CSMD1: variants seen among roughly 807,000 people sequenced by gnomAD.
CSMD1 encodes CUB and sushi domain-containing protein 1.
In CSMD1, 213 loss-of-function variants were observed where a neutral mutation model predicts 417.5. The ratio of observed to expected loss-of-function variants is 0.51; its 90% confidence interval spans 0.46 to 0.57. CSMD1 has a LOEUF of 0.57. Ranked by LOEUF, CSMD1 falls within the 20% of genes least tolerant of loss-of-function variation. CSMD1 has a pLI of 0.00. For missense variants in CSMD1, 6,923 were observed against 4,529.7 expected (o/e 1.53, Z -15.17); for synonymous variants, 2,862 against 1,736.8 (o/e 1.65, Z -16.11).
chr8:4,509,283 T>C (rs545640382), intron 2 of CSMD1, among the ~76,000 whole-genome samples: 4 of 152,088 alleles, frequency 2.6e-5, no homozygotes, highest in Non-Finnish European at 4.4e-5. Flanking sequence ...TATAAGTAAA[T>C]GAGTCAGGAG....
chr8:3,307,860 G>A (rs376089006), intron 24 of CSMD1, 39 bp from the exon 25 acceptor site: 2 of 1,594,160 alleles, frequency 1.3e-6, no homozygotes, highest in Admixed American at 1.8e-5. Context: ...TTCAGCTTCA[G>A]GCATCACATG....
chr8:3,011,764 G>A (rs1808399809), intron 52 of CSMD1, among the ~76,000 whole-genome samples: 1 of 152,194 alleles, frequency 6.6e-6, no homozygotes, highest in Non-Finnish European at 1.5e-5. Context: ...AAGTCTAAAT[G>A]ATGTAAATGT....
chr8:4,723,288 G>A (rs981544493), intron 1 of CSMD1, among the ~76,000 whole-genome samples: 1 of 152,078 alleles, frequency 6.6e-6, no homozygotes, highest in Non-Finnish European at 1.5e-5. Context: ...GGCTAACTGG[G>A]AATCATCCAA....
chr8:3,514,871 C>G (rs1389026274), intron 10 of CSMD1, among the ~76,000 whole-genome samples: 2 of 151,888 alleles, frequency 1.3e-5, no homozygotes, highest in Admixed American at 6.6e-5. Flanking sequence ...TTTAAAAAAT[C>G]AGAGAAATAA....
rs543738811 is a variant in CSMD1, at chr8:3,931,051, G to A, written c.818+66852C>T. Reference sequence around the variant, plus strand: ...ACAGGGAAAATCTTAACTGCGGTATGATCGCTGAGATAAAGTTTTAAAAAT... The same window carrying A: ...ACAGGGAAAATCTTAACTGCGGTATAATCGCTGAGATAAAGTTTTAAAAAT... On this transcript the variant is annotated intron_variant, in intron 5 of 69. Coordinates refer to ENST00000635120, the MANE Select transcript of CSMD1 (RefSeq NM_033225.6). 3.3e-5 allele frequency among the ~76,000 whole-genome samples: 5 copies of A among 150,550 alleles called. No individual in the cohort carries two copies. The South Asian group carries it at 8.6e-4, about 26-fold the overall frequency.
intron 3 of CSMD1, among the ~76,000 whole-genome samples, chr8:4,307,197 T>G (rs1389340727): frequency 2.4e-4 from 37 of 152,170 alleles, no homozygotes; most frequent in Non-Finnish European, 4.4e-5. Context: ...ATCAACCCCC[T>G]TCTACGGCTC....
chr8:3,256,937 A>G (rs578186168), intron 26 of CSMD1, among the ~76,000 whole-genome samples: 3 of 152,382 alleles, frequency 2.0e-5, no homozygotes, highest in Non-Finnish European at 2.9e-5. Context: ...AAAATTTTAC[A>G]TTATCTAAAA....
chr8:3,730,327 A>G (rs549256799), intron 6 of CSMD1, among the ~76,000 whole-genome samples: 10 of 150,296 alleles, frequency 6.7e-5, no homozygotes, highest in African/African-American at 2.4e-4. Flanking sequence ...AAATGAACAC[A>G]CTGATGCATT....
At chr8:4,310,944 T>A (rs7812317) in intron 3 of CSMD1, among the ~76,000 whole-genome samples, 95,143 of 152,088 alleles carry the variant, frequency 0.63, 30,721 homozygotes, top group East Asian at 0.86. Flanking sequence ...AATCAAAACC[T>A]CAGTGAGATA....
intron 10 of CSMD1, among the ~76,000 whole-genome samples, chr8:3,550,063 C>A (rs893667081): frequency 3.9e-5 from 6 of 152,186 alleles, no homozygotes; most frequent in Admixed American, 2.0e-4. Flanking sequence ...GAAAATCATT[C>A]TAAGTAAAAG....
chr8:4,751,682 A>G (rs1202304792), intron 1 of CSMD1, among the ~76,000 whole-genome samples: 1 of 152,162 alleles, frequency 6.6e-6, no homozygotes, highest in African/African-American at 2.4e-5. Context: ...TTTAATGGTC[A>G]GCTACCCTTT....
At chr8:3,738,937 T>C (rs1796660422) in intron 6 of CSMD1, among the ~76,000 whole-genome samples, 1 of 152,176 alleles carries the variant, frequency 6.6e-6, no homozygotes, top group Non-Finnish European at 1.5e-5. Flanking sequence ...CCTTGCTGAA[T>C]GCGCATATTT....
At position 3,616,715 on chromosome 8, in the gene CSMD1, G is replaced by A. The variant is rs561328404; in HGVS notation, c.1092C>T (p.Asp364=). ...ACCACTATTGTATCTCTTACCTGAA[G>A]TCGGAACCTGCTCTTCTACCATTTT... is the stretch of plus-strand genomic sequence containing the variant. ...IPENGRRAGS[D]FRVGANVQFS... Residue 364 remains aspartate (D), a synonymous_variant, in exon 8 of 70, where the codon GAC becomes GAT. Coordinates refer to ENST00000635120, the MANE Select transcript of CSMD1 (RefSeq NM_033225.6). 6.2e-7 allele frequency: 1 copy of A among 1,605,742 alleles called. No homozygotes were observed. The highest frequency in any genetic ancestry group is 8.5e-7 in the Non-Finnish European group (1 of 1,173,054).
rs573754739 is a variant in CSMD1, at chr8:3,733,126, G to A, written c.931+20804C>T. On this transcript the variant is annotated intron_variant, in intron 6 of 69. Transcript: ENST00000635120. ...GAGGCTAAAGTGGAAAAGATAAAGT[G>A]AAAGAAGTTAGGAATTAGACTCAGT... 1.7e-4 allele frequency among the ~76,000 whole-genome samples: 25 copies of A among 150,974 alleles called. No individual in the cohort carries two copies. In the South Asian group the frequency reaches 4.6e-3, roughly 28 times the overall value.
intron 5 of CSMD1, among the ~76,000 whole-genome samples, chr8:3,958,784 C>T (rs78389145): frequency 0.026 from 4,013 of 152,190 alleles, 96 homozygotes; most frequent in Non-Finnish European, 0.037. Context: ...CAAAGAGGAA[C>T]GACATTATGG....
intron 26 of CSMD1, among the ~76,000 whole-genome samples, chr8:3,256,445 C>G (rs1340319349): frequency 6.6e-6 from 1 of 152,106 alleles, no homozygotes; most frequent in African/African-American, 2.4e-5. Flanking sequence ...GTTCATTGTC[C>G]CCTTCTCCTA....
At chr8:2,995,139 T>C (rs768822089) in intron 54 of CSMD1, among the ~76,000 whole-genome samples, 4 of 152,194 alleles carry the variant, frequency 2.6e-5, no homozygotes, top group Non-Finnish European at 4.4e-5. Context: ...GCGAATCATA[T>C]ACCTGACAAA....
chr8:4,543,982 T>C (rs1232144107), intron 2 of CSMD1, among the ~76,000 whole-genome samples: 1 of 152,186 alleles, frequency 6.6e-6, no homozygotes, highest in Non-Finnish European at 1.5e-5. Context: ...GGTTCATTGT[T>C]TTCTATTGAG....
At chr8:4,295,750 G>GTGTATA (rs1175477762) in intron 3 of CSMD1, among the ~76,000 whole-genome samples, 222 of 34,044 alleles carry the variant, frequency 6.5e-3, no homozygotes, top group South Asian at 0.024. Flanking sequence ...ATGTGTGTGT[G>GTGTATA]TATATATATA....
Sources: allele counts gnomAD v4.1 joint callset (sites outside exome capture counted in the v4.1 genomes callset), GRCh38; gene constraint gnomAD v4.1.1; transcripts MANE v1.5; gene names NCBI Gene and HGNC (gene_info 2026-07-23, HGNC 2026-07-21).